Variants in CNTNAP5 observed in about 807,000 individuals in gnomAD.
CNTNAP5 encodes contactin associated protein family member 5.
Under a neutral mutation model 150.2 loss-of-function variants are expected in CNTNAP5, and 72 were observed. The observed-to-expected ratio is 0.48, with a 90% CI of 0.40 to 0.58. CNTNAP5 has a LOEUF of 0.58. Among genes scored for constraint, CNTNAP5 ranks in the 20% least tolerant of loss-of-function variants. The pLI is 0.00. For missense variants in CNTNAP5, 1,636 were observed against 1,626.2 expected, an observed-to-expected ratio of 1.01 and a Z score of -0.10; for synonymous variants, 672 against 619.8, an observed-to-expected ratio of 1.08 and a Z score of -1.25.
intron 7 of CNTNAP5, among the ~76,000 whole-genome samples, chr2:124,482,024 A>G (rs1693771564): frequency 6.6e-6 from 1 of 152,208 alleles, no homozygotes; most frequent in African/African-American, 2.4e-5. Context: ...AGTCATTTCA[A>G]TCTTCAAGTG....
At chr2:124,852,831 G>A (rs1383452065) in intron 19 of CNTNAP5, among the ~76,000 whole-genome samples, 1 of 152,204 alleles carries the variant, frequency 6.6e-6, no homozygotes, top group Non-Finnish European at 1.5e-5. Context: ...CGATGACTTG[G>A]TGTGGGGCAC....
chr2:124,025,963 A>T (rs1049061763), intron 1 of CNTNAP5, among the ~76,000 whole-genome samples: 3 of 152,090 alleles, frequency 2.0e-5, no homozygotes, highest in Non-Finnish European at 4.4e-5. Context: ...AGTTCAAGGG[A>T]TAAGGAAAGG....
intron 3 of CNTNAP5, among the ~76,000 whole-genome samples, chr2:124,399,297 C>T (rs1363834445): frequency 6.6e-6 from 1 of 152,100 alleles, no homozygotes; most frequent in Non-Finnish European, 1.5e-5. Flanking sequence ...CAAAGGCTGT[C>T]AGTGAGCTTA....
At position 124,489,850 on chromosome 2, in the gene CNTNAP5, C is replaced by T. The variant is rs559839045; in HGVS notation, c.1063-14442C>T. Among the ~76,000 whole-genome samples, 7 of 152,246 alleles carry T rather than the reference C, an allele frequency of 4.6e-5. No homozygotes were observed. The South Asian group carries it at 1.5e-3, about 32-fold the overall frequency. On this transcript the variant is annotated intron_variant, in intron 7 of 23. Coordinates refer to ENST00000682447, the MANE Select transcript of CNTNAP5 (RefSeq NM_001367498.1). ...AAGGGGATATTCCTCCCAGCTGAGT[C>T]AGCTCCCTTCAAGGAGCCTTCCAGT...
intron 13 of CNTNAP5, among the ~76,000 whole-genome samples, chr2:124,746,909 A>T (rs1680614726): frequency 6.6e-6 from 1 of 152,174 alleles, no homozygotes; most frequent in Non-Finnish European, 1.5e-5. Flanking sequence ...CTATACAAAC[A>T]TTTTGATGAA....
At chr2:124,733,009 G>A (rs1435826343) in intron 13 of CNTNAP5, among the ~76,000 whole-genome samples, 1 of 152,036 alleles carries the variant, frequency 6.6e-6, no homozygotes, top group African/African-American at 2.4e-5. Context: ...TAATTGCAAT[G>A]GCATTTTGAT....
chr2:124,120,424 A>G (rs141893636), intron 1 of CNTNAP5, among the ~76,000 whole-genome samples: 400 of 152,340 alleles, frequency 2.6e-3, no homozygotes, highest in Non-Finnish European at 3.5e-3. Context: ...CCAGGTCTGG[A>G]CAAGTACTCT....
At chr2:124,272,563 A>G (rs954199893) in intron 3 of CNTNAP5, among the ~76,000 whole-genome samples, 5 of 152,216 alleles carry the variant, frequency 3.3e-5, no homozygotes, top group African/African-American at 1.2e-4. Flanking sequence ...AGTCAAGATA[A>G]TGTAATTCTG....
intron 13 of CNTNAP5, among the ~76,000 whole-genome samples, chr2:124,673,647 C>A: frequency 6.6e-6 from 1 of 151,532 alleles, no homozygotes; most frequent in Non-Finnish European, 1.5e-5. Flanking sequence ...GTCAGAAAGC[C>A]AGGCCTCTAA....
At chr2:124,764,870 A>T (rs1031363270) in intron 16 of CNTNAP5, among the ~76,000 whole-genome samples, 1 of 152,150 alleles carries the variant, frequency 6.6e-6, no homozygotes, top group Non-Finnish European at 1.5e-5. Flanking sequence ...ATAAAAAGGG[A>T]AAAAGCATAC....
intron 17 of CNTNAP5, among the ~76,000 whole-genome samples, chr2:124,786,763 T>C (rs1452362366): frequency 6.6e-6 from 1 of 152,088 alleles, no homozygotes; most frequent in African/African-American, 2.4e-5. Context: ...TCTGTTTCTG[T>C]ACAATAAGTT....
intron 21 of CNTNAP5, among the ~76,000 whole-genome samples, chr2:124,891,918 T>G (rs372042200): frequency 2.6e-5 from 4 of 152,266 alleles, no homozygotes; most frequent in African/African-American, 7.2e-5. Context: ...GTTTTCCAAT[T>G]GGCCCGGCTT....
At chr2:124,715,755 A>G (rs900731474) in intron 13 of CNTNAP5, among the ~76,000 whole-genome samples, 1 of 152,166 alleles carries the variant, frequency 6.6e-6, no homozygotes, top group African/African-American at 2.4e-5. Flanking sequence ...TCTGGGTGAC[A>G]ATACTCTCCC....
intron 3 of CNTNAP5, among the ~76,000 whole-genome samples, chr2:124,414,116 T>C (rs544267857): frequency 5.9e-5 from 9 of 151,392 alleles, no homozygotes; most frequent in Non-Finnish European, 1.0e-4. Flanking sequence ...ATTTTTGGAT[T>C]TCCTTTTTTT....
chr2:124,862,461 G>A (rs1332386829), intron 19 of CNTNAP5, among the ~76,000 whole-genome samples: 2 of 152,144 alleles, frequency 1.3e-5, no homozygotes, highest in Non-Finnish European at 2.9e-5. Flanking sequence ...AAAGGGGATG[G>A]GGACAGAAAA....
At chr2:124,849,968 T>C (rs1210432416) in intron 19 of CNTNAP5, among the ~76,000 whole-genome samples, 2 of 152,158 alleles carry the variant, frequency 1.3e-5, no homozygotes, top group Non-Finnish European at 2.9e-5. Flanking sequence ...ACAGCCAAAT[T>C]AGAGGGAAGA....
At chr2:124,694,693 C>T (rs1384602766) in intron 13 of CNTNAP5, among the ~76,000 whole-genome samples, 1 of 152,152 alleles carries the variant, frequency 6.6e-6, no homozygotes, top group Non-Finnish European at 1.5e-5. Context: ...GAGCAATTTA[C>T]AAATAATAGT....
At chr2:124,242,605 T>G (rs1244901268) in intron 3 of CNTNAP5, among the ~76,000 whole-genome samples, 2 of 152,326 alleles carry the variant, frequency 1.3e-5, no homozygotes, top group African/African-American at 4.8e-5. Flanking sequence ...GTTTAGTATG[T>G]TCCCCTTTTT....
At chr2:124,855,834 C>A (rs1397275491) in intron 19 of CNTNAP5, among the ~76,000 whole-genome samples, 3 of 151,964 alleles carry the variant, frequency 2.0e-5, no homozygotes, top group African/African-American at 7.3e-5. Context: ...TACACTGAAC[C>A]CAATTTATAG....
Sources: allele counts gnomAD v4.1 joint callset (sites outside exome capture counted in the v4.1 genomes callset), GRCh38; gene constraint gnomAD v4.1.1; transcripts MANE v1.5; gene names NCBI Gene and HGNC (gene_info 2026-07-23, HGNC 2026-07-21).